Variants in SEMA6A observed in about 807,000 individuals in gnomAD.
SEMA6A encodes the protein semaphorin 6A, also known as semaphorin-6A.
In SEMA6A, 25 loss-of-function variants were observed where a neutral mutation model predicts 96.8. The observed-to-expected ratio is 0.26, with a 90% CI of 0.19 to 0.36. The LOEUF (loss-of-function observed/expected upper bound fraction) is 0.36, where lower values mean the gene tolerates loss of function less well. SEMA6A is among the 10% of genes least tolerant of loss of function. SEMA6A has a pLI of 1.00. For missense variants in SEMA6A, 1,363 were observed against 1,323.1 expected, an observed-to-expected ratio of 1.03 and a Z score of -0.47; for synonymous variants, 612 against 518.0, an observed-to-expected ratio of 1.18 and a Z score of -2.46.
chr5:116,517,304 A>G (rs1758716399), intron 1 of SEMA6A, among the ~76,000 whole-genome samples: 1 of 152,082 alleles, frequency 6.6e-6, no homozygotes, highest in Non-Finnish European at 1.5e-5. Context: ...AAAAAAAAAA[A>G]AGATTGGGAC....
chr5:116,522,351 C>G (rs1758996005), intron 1 of SEMA6A, among the ~76,000 whole-genome samples: 1 of 152,128 alleles, frequency 6.6e-6, no homozygotes, highest in South Asian at 2.1e-4. Flanking sequence ...CCAGTTCCCA[C>G]TAAACTAGAA....
chr5:116,495,440 G>A lies in SEMA6A; in HGVS notation c.417C>T (p.Ala139=). Reference sequence around the variant, plus strand: ...TATAGTTTCTGCAGGAAGGGTTGAAGGCATTAGTTCCACAGACAAACAATG... The same window carrying A: ...TATAGTTTCTGCAGGAAGGGTTGAAAGCATTAGTTCCACAGACAAACAATG... The part of the protein sequence containing the change: ...DDALFVCGTN[A]FNPSCRNYKM... Residue 139 remains alanine, a synonymous_variant, in exon 6 of 19, where the codon GCC becomes GCT. Coordinates refer to ENST00000343348, the MANE Select transcript of SEMA6A (RefSeq NM_020796.5). The A allele has an allele frequency of 1.2e-6, 2 of 1,610,524 alleles. No individual in the cohort carries two copies. The highest frequency in any genetic ancestry group is 1.7e-6 in the Non-Finnish European group (2 of 1,178,336).
Position 116,497,364 on chromosome 5 carries a change from A to G in SEMA6A, c.242T>C (p.Ile81Thr), listed in dbSNP as rs746836236. ...AATTTCTTCCGTGTGTGATGTGTCT[A>G]TATCAACAGTATAAATATGGTCCCT... ...AARDHIYTVD[I>T]DTSHTEEIYC... is the part of the protein sequence containing the mutation. The change falls in exon 4 of 19, where the codon ATA (isoleucine) becomes ACA (threonine). Residue 81 changes from isoleucine to threonine, a missense_variant. By Grantham distance (89) the Ile-to-Thr change is moderately conservative (BLOSUM62 -1). This residue lies in a region of SEMA6A where 480 missense variants were observed against 559.5 expected (regional missense o/e 0.86). Coordinates refer to ENST00000343348, the MANE Select transcript of SEMA6A (RefSeq NM_020796.5). The G allele has an allele frequency of 2.1e-5, 34 of 1,599,856 alleles. No homozygotes were observed. In the South Asian group the frequency reaches 3.0e-4, roughly 14 times the overall value.
chr5:116,536,989 T>A (rs910895525), intron 1 of SEMA6A, among the ~76,000 whole-genome samples: 57 of 151,566 alleles, frequency 3.8e-4, no homozygotes, highest in African/African-American at 1.3e-3. Flanking sequence ...AGATGGACAT[T>A]GTATTAGCAT....
At chr5:116,557,953 A>G (rs1760672373) in intron 1 of SEMA6A, among the ~76,000 whole-genome samples, 2 of 152,244 alleles carry the variant, frequency 1.3e-5, no homozygotes, top group Admixed American at 1.3e-4. Flanking sequence ...ATAATCTATA[A>G]TTTGGTTTCT....
chr5:116,515,878 G>C (rs1758645752), intron 1 of SEMA6A, among the ~76,000 whole-genome samples: 1 of 152,164 alleles, frequency 6.6e-6, no homozygotes, highest in Non-Finnish European at 1.5e-5. Context: ...GCTCCGTTGA[G>C]CTCTGAATAA....
chr5:116,558,377 C>G (rs1760687016), intron 1 of SEMA6A, among the ~76,000 whole-genome samples: 1 of 151,932 alleles, frequency 6.6e-6, no homozygotes, highest in Non-Finnish European at 1.5e-5. Context: ...CGGTGGTTTG[C>G]TGCACCTATC....
intron 1 of SEMA6A, among the ~76,000 whole-genome samples, chr5:116,537,497 A>G (rs1759768725): frequency 6.6e-6 from 1 of 152,168 alleles, no homozygotes; most frequent in Admixed American, 6.5e-5. Context: ...CCTAGGATAT[A>G]TCAGTGCTAG....
intron 1 of SEMA6A, among the ~76,000 whole-genome samples, chr5:116,548,928 CAAGTA>C (rs1760293861): frequency 6.6e-6 from 1 of 152,192 alleles, no homozygotes; most frequent in South Asian, 2.1e-4. Context: ...AAGTATACAA[CAAGTA>C]AAGCATGATC....
chr5:116,509,429 G>A (rs1275470278), intron 1 of SEMA6A, among the ~76,000 whole-genome samples: 2 of 152,262 alleles, frequency 1.3e-5, no homozygotes, highest in East Asian at 3.9e-4. Flanking sequence ...ATTAACAGAG[G>A]GAAGAGCACA....
intron 18 of SEMA6A, among the ~76,000 whole-genome samples, chr5:116,451,106 C>T (rs974526411): frequency 2.0e-5 from 3 of 152,172 alleles, no homozygotes; most frequent in Admixed American, 1.3e-4. Flanking sequence ...TGGCAAGTGA[C>T]TTAACATCTC....
chr5:116,521,871 A>G (rs1758965587), intron 1 of SEMA6A, among the ~76,000 whole-genome samples: 2 of 152,076 alleles, frequency 1.3e-5, no homozygotes, highest in Non-Finnish European at 2.9e-5. Context: ...ATTAGTTGTT[A>G]TACACCAGAA....
At chr5:116,525,263 G>T (rs2112826207) in intron 1 of SEMA6A, among the ~76,000 whole-genome samples, 1 of 152,248 alleles carries the variant, frequency 6.6e-6, no homozygotes, top group Non-Finnish European at 1.5e-5. Flanking sequence ...TCCATTAGTG[G>T]CTGAGTGGCC....
chr5:116,568,823 C>T (rs73780380), intron 1 of SEMA6A, among the ~76,000 whole-genome samples: 4 of 15,558 alleles, frequency 2.6e-4, no homozygotes, highest in African/African-American at 4.4e-4. Context: ...GAAGATTGTA[C>T]ACACACACAC....
chr5:116,544,750 G>A (rs1276370572), intron 1 of SEMA6A, among the ~76,000 whole-genome samples: 1 of 152,198 alleles, frequency 6.6e-6, no homozygotes, highest in Admixed American at 6.5e-5. Context: ...TTTATCTGCA[G>A]CCTCACCCTC....
At chr5:116,464,727 A>C (rs1349942937) in intron 18 of SEMA6A, among the ~76,000 whole-genome samples, 1 of 152,218 alleles carries the variant, frequency 6.6e-6, no homozygotes, top group Non-Finnish European at 1.5e-5. Context: ...ACAGGATTAA[A>C]TCAAGACGAA....
chr5:116,444,913 G>A lies in SEMA6A; in HGVS notation c.*1700C>T, dbSNP rs897857358. ...GTGGACGCAGCAGAAAAGAGGAATGGGACGTTAGTCCCTTTTCTGCTAGCA... is the reference window on the plus strand; with the variant it reads ...GTGGACGCAGCAGAAAAGAGGAATGAGACGTTAGTCCCTTTTCTGCTAGCA... On this transcript the variant is annotated 3_prime_UTR_variant, in exon 19 of 19. Transcript: ENST00000343348. 1 of 152,698 alleles carries A rather than the reference G, an allele frequency of 6.5e-6. No homozygotes were observed. Among genetic ancestry groups the A allele is most frequent in the Non-Finnish European group, 1.5e-5 (1 of 68,066 alleles). 9.5% of individuals were successfully genotyped at this position (152,698 alleles called of 1,614,324 possible). A position where few individuals can be genotyped will look rare whatever the true frequency, so the allele number is the denominator to read the frequency against.
intron 1 of SEMA6A, among the ~76,000 whole-genome samples, chr5:116,535,573 G>C (rs1276051713): frequency 6.6e-6 from 1 of 152,064 alleles, no homozygotes; most frequent in African/African-American, 2.4e-5. Context: ...AAGGTTCAAG[G>C]GGACCCACAA....
intron 17 of SEMA6A, chr5:116,472,819 C>A (rs1756230360): frequency 2.4e-6 from 3 of 1,249,744 alleles, no homozygotes; most frequent in South Asian, 1.5e-5. Context: ...GGAATGAAAA[C>A]TATAAACTAC....
Sources: allele counts gnomAD v4.1 joint callset (sites outside exome capture counted in the v4.1 genomes callset), GRCh38; gene constraint gnomAD v4.1.1; regional missense constraint gnomAD v4.1.1; transcripts MANE v1.5; gene names NCBI Gene and HGNC (gene_info 2026-07-23, HGNC 2026-07-21).